ABCC4: variants seen among roughly 807,000 people sequenced by gnomAD.
The protein encoded by ABCC4 is ATP-binding cassette sub-family C member 4.
In ABCC4, 102 loss-of-function variants were observed where a neutral mutation model predicts 168.5. The ratio of observed to expected loss-of-function variants is 0.61; its 90% CI spans 0.52 to 0.71. ABCC4 has a LOEUF of 0.71. Ranked by LOEUF, ABCC4 falls within the 30% of genes least tolerant of loss-of-function variation. ABCC4 has a pLI of 0.00. For synonymous variants in ABCC4, 617 were observed against 590.7 expected, an observed-to-expected ratio of 1.04 and a Z score of -0.65; for missense variants, 1,402 against 1,605.8, an observed-to-expected ratio of 0.87 and a Z score of 2.17.
At chr13:95,221,070 C>T (rs1257107034) in intron 4 of ABCC4, among the ~76,000 whole-genome samples, 3 of 152,086 alleles carry the variant, frequency 2.0e-5, no homozygotes, top group Non-Finnish European at 4.4e-5. Context: ...GGACATGATG[C>T]GAAGTGAGAT....
chr13:95,169,923 C>G (rs2037410255), intron 14 of ABCC4, among the ~76,000 whole-genome samples: 1 of 152,208 alleles, frequency 6.6e-6, no homozygotes, highest in East Asian at 1.9e-4. Flanking sequence ...ACGGCATGAT[C>G]TCGGCTCACT....
intron 1 of ABCC4, among the ~76,000 whole-genome samples, chr13:95,300,845 G>A (rs2041656590): frequency 1.3e-5 from 2 of 152,216 alleles, no homozygotes; most frequent in Admixed American, 1.3e-4. Flanking sequence ...GCAGGAGGCG[G>A]GAGCCAGCGA....
At chr13:95,107,233 G>A (rs536635101) in intron 20 of ABCC4, among the ~76,000 whole-genome samples, 10 of 152,174 alleles carry the variant, frequency 6.6e-5, no homozygotes, top group East Asian at 3.9e-4. Context: ...CTCCAGCTTC[G>A]GTGACAAGAG....
intron 1 of ABCC4, among the ~76,000 whole-genome samples, chr13:95,295,781 A>G (rs924308245): frequency 8.6e-5 from 13 of 151,892 alleles, no homozygotes; most frequent in African/African-American, 3.1e-4. Flanking sequence ...TGGCCAACAT[A>G]CTGAAACCCC....
intron 19 of ABCC4, among the ~76,000 whole-genome samples, chr13:95,138,391 T>C (rs1391716830): frequency 3.3e-5 from 5 of 152,298 alleles, no homozygotes; most frequent in East Asian, 1.9e-4. Context: ...AGTAAGAAGA[T>C]AGACTTTGCT....
intron 1 of ABCC4, among the ~76,000 whole-genome samples, chr13:95,272,206 G>A (rs568477363): frequency 7.9e-5 from 12 of 152,120 alleles, no homozygotes; most frequent in African/African-American, 2.4e-4. Flanking sequence ...CAGCACACCC[G>A]GCTAATTTTT....
At chr13:95,108,488 T>C (rs1306889190) in intron 20 of ABCC4, among the ~76,000 whole-genome samples, 2 of 152,082 alleles carry the variant, frequency 1.3e-5, no homozygotes, top group African/African-American at 4.8e-5. Context: ...AGTGAATAAG[T>C]CACATGAGAT....
At chr13:95,293,331 C>T (rs970164453) in intron 1 of ABCC4, among the ~76,000 whole-genome samples, 16 of 151,844 alleles carry the variant, frequency 1.1e-4, no homozygotes, top group Non-Finnish European at 7.4e-5. Context: ...GCACTCCAGC[C>T]TGTGCGACAG....
intron 1 of ABCC4, among the ~76,000 whole-genome samples, chr13:95,289,965 G>A (rs1308912215): frequency 3.3e-5 from 5 of 151,942 alleles, no homozygotes; most frequent in East Asian, 1.9e-4. Flanking sequence ...GCATGGTAGC[G>A]CATGCCTATA....
intron 24 of ABCC4, among the ~76,000 whole-genome samples, chr13:95,073,003 G>A (rs1334189767): frequency 1.3e-5 from 2 of 152,048 alleles, no homozygotes; most frequent in South Asian, 2.1e-4. Flanking sequence ...AAAACCTGCT[G>A]ACAGAGCAAC....
chr13:95,278,727 C>T (rs896073993), intron 1 of ABCC4, among the ~76,000 whole-genome samples: 1 of 139,088 alleles, frequency 7.2e-6, no homozygotes, highest in Non-Finnish European at 1.5e-5. Context: ...AGCCCGAGCA[C>T]AGGGAGGTTG....
At chr13:95,077,416 G>A (rs1429858917) in intron 21 of ABCC4, among the ~76,000 whole-genome samples, 1 of 152,044 alleles carries the variant, frequency 6.6e-6, no homozygotes, top group East Asian at 1.9e-4. Context: ...TTGGCTCACT[G>A]CAGCCTCAAC....
chr13:95,272,203 C>T (rs1026714686), intron 1 of ABCC4, among the ~76,000 whole-genome samples: 6 of 152,158 alleles, frequency 3.9e-5, no homozygotes, highest in African/African-American at 1.4e-4. Context: ...CGCCAGCACA[C>T]CCGGCTAATT....
At chr13:95,207,672 C>T (rs145154638) in intron 7 of ABCC4, 128 bp downstream of exon 7, 17,496 of 924,504 alleles carry the variant, frequency 0.019, 218 homozygotes, top group Non-Finnish European at 0.023. Context: ...AACTGCCAAG[C>T]GTGGGGACTG....
At chr13:95,225,153 TCACACACA>T (rs61398515) in intron 4 of ABCC4, among the ~76,000 whole-genome samples, 2,418 of 35,234 alleles carry the variant, frequency 0.069, 85 homozygotes, top group African/African-American at 0.14. Context: ...TCTCTCTCTC[TCACACACA>T]CACACACACA....
intron 30 of ABCC4, among the ~76,000 whole-genome samples, chr13:95,034,310 C>T (rs916314517): frequency 3.3e-5 from 5 of 152,146 alleles, no homozygotes; most frequent in Non-Finnish European, 5.9e-5. Flanking sequence ...AATCTGAACC[C>T]ACAGAGTCTA....
chr13:95,252,317 CTATTT>C (rs1393905292), intron 1 of ABCC4, among the ~76,000 whole-genome samples: 1 of 152,134 alleles, frequency 6.6e-6, no homozygotes, highest in East Asian at 1.9e-4. Flanking sequence ...TGTAATTATT[CTATTT>C]TATTATCATT....
At chr13:95,253,141 G>A (rs540220894) in intron 1 of ABCC4, among the ~76,000 whole-genome samples, 212 of 152,278 alleles carry the variant, frequency 1.4e-3, no homozygotes, top group African/African-American at 4.5e-3. Flanking sequence ...ACGATAGAAA[G>A]GTTAGTGCAC....
intron 19 of ABCC4, among the ~76,000 whole-genome samples, chr13:95,145,879 C>G (rs1209519181): frequency 6.6e-6 from 1 of 152,110 alleles, no homozygotes; most frequent in Admixed American, 6.6e-5. Flanking sequence ...TTTTCACTTA[C>G]AAACAGGAGC....
Sources: gnomAD v4.1 joint callset for allele counts (sites outside exome capture counted in the v4.1 genomes callset) on GRCh38, gnomAD v4.1.1 for gene constraint, MANE v1.5 for transcripts, NCBI Gene and HGNC (gene_info 2026-07-23, HGNC 2026-07-21) for gene names.